EBF1: variants seen among roughly 807,000 people sequenced by gnomAD.
EBF1 encodes EBF transcription factor 1.
In EBF1, 10 loss-of-function variants were observed where a neutral mutation model predicts 68.4. The observed-to-expected ratio is 0.15, with a 90% CI of 0.09 to 0.25. The LOEUF is 0.25. Among genes scored for constraint, EBF1 ranks in the 10% least tolerant of loss-of-function variants. The pLI, the probability that EBF1 is intolerant of heterozygous loss-of-function variation, is 1.00. For synonymous variants in EBF1, 298 were observed against 299.8 expected (o/e 0.99, Z 0.06); for missense variants, 509 against 794.4 (o/e 0.64, Z 4.32).
chr5:158,822,267 C>CGGATGGAT (rs958054113), intron 8 of EBF1, among the ~76,000 whole-genome samples: 706 of 57,064 alleles, frequency 0.012, 5 homozygotes, highest in East Asian at 0.058. Context: ...GACGGATGGA[C>CGGATGGAT]GGATGGATGG....
intron 8 of EBF1, among the ~76,000 whole-genome samples, chr5:158,812,388 G>A (rs992126487): frequency 6.6e-6 from 1 of 152,068 alleles, no homozygotes; most frequent in Non-Finnish European, 1.5e-5. Flanking sequence ...TTCCTGGGTC[G>A]ACCTAGCCCC....
intron 6 of EBF1, among the ~76,000 whole-genome samples, chr5:158,861,785 A>C (rs773869522): frequency 3.3e-5 from 5 of 152,090 alleles, no homozygotes; most frequent in Non-Finnish European, 7.4e-5. Context: ...TTAAAATTCC[A>C]AGTGGCATAT....
chr5:158,906,787 T>C (rs889047054), intron 6 of EBF1, among the ~76,000 whole-genome samples: 1 of 152,246 alleles, frequency 6.6e-6, no homozygotes, highest in African/African-American at 2.4e-5. Context: ...AGCTCTTGAT[T>C]GAATTCTATC....
chr5:159,031,922 A>C (rs568988354), intron 6 of EBF1, among the ~76,000 whole-genome samples: 26 of 152,310 alleles, frequency 1.7e-4, no homozygotes, highest in African/African-American at 5.8e-4. Flanking sequence ...TTGTGGGTGC[A>C]GTTGCAAATC....
intron 14 of EBF1, among the ~76,000 whole-genome samples, chr5:158,709,944 T>TG (rs1026734108): frequency 2.0e-5 from 3 of 151,986 alleles, no homozygotes; most frequent in African/African-American, 4.8e-5. Flanking sequence ...AGTTTTGGGG[T>TG]GGGGGGCCAG....
intron 10 of EBF1, among the ~76,000 whole-genome samples, chr5:158,752,105 TAA>T (rs1339529095): frequency 1.3e-5 from 2 of 151,994 alleles, no homozygotes; most frequent in Non-Finnish European, 2.9e-5. Flanking sequence ...AGATACTCAA[TAA>T]AAGTTTACTG....
intron 6 of EBF1, among the ~76,000 whole-genome samples, chr5:159,069,324 T>TCAAA (rs368618968): frequency 0.013 from 1,938 of 151,942 alleles, 32 homozygotes; most frequent in African/African-American, 0.037. Context: ...AATTCTAAAT[T>TCAAA]CAAACAAACA....
Position 158,861,463 on chromosome 5 carries a change from A to G in EBF1, c.555-21353T>C, listed in dbSNP as rs115133705. On this transcript the variant is annotated intron_variant, in intron 6 of 15. Coordinates refer to ENST00000313708, the MANE Select transcript of EBF1 (RefSeq NM_024007.5). ...TAAATAAATGTCCACAAAGAACAAA[A>G]AAAGATCAGTAGAGAATTGAGTCTC... Among the ~76,000 whole-genome samples, 328 of 152,364 alleles carry G rather than the reference A, an allele frequency of 2.2e-3. 2 individuals are homozygous for G. The highest frequency in any genetic ancestry group is 3.4e-3 in the Non-Finnish European group (230 of 68,026).
At chr5:158,959,384 A>G in intron 6 of EBF1, among the ~76,000 whole-genome samples, 1 of 150,298 alleles carries the variant, frequency 6.7e-6, no homozygotes, top group Middle Eastern at 3.2e-3. Context: ...CTCTGTCTCC[A>G]GCGTTCAAGA....
At chr5:158,873,185 A>G (rs2128066338) in intron 6 of EBF1, among the ~76,000 whole-genome samples, 1 of 152,198 alleles carries the variant, frequency 6.6e-6, no homozygotes. Context: ...GTGAACCTTC[A>G]ATTAGAAAAG....
intron 5 of EBF1, among the ~76,000 whole-genome samples, chr5:159,074,219 C>T (rs1200929390): frequency 1.3e-5 from 2 of 152,072 alleles, no homozygotes; most frequent in Non-Finnish European, 2.9e-5. Context: ...CCTATGGGCT[C>T]GAAAAGTACC....
chr5:159,096,917 C>T (rs1490300066), intron 2 of EBF1, 57 bp downstream of exon 2: 12 of 1,589,896 alleles, frequency 7.5e-6, no homozygotes, highest in African/African-American at 5.4e-5. Flanking sequence ...CCAAGGCTCC[C>T]GGGCCTGCTC....
intron 6 of EBF1, among the ~76,000 whole-genome samples, chr5:159,051,325 C>T (rs1392732415): frequency 1.3e-5 from 2 of 151,432 alleles, no homozygotes. Flanking sequence ...TCTTTGCTCC[C>T]ACCCTGTCCC....
At chr5:159,096,621 G>A (rs1782658386) in intron 2 of EBF1, 2 of 629,848 alleles carry the variant, frequency 3.2e-6, no homozygotes, top group Admixed American at 2.7e-5. Flanking sequence ...TCCGTCGGGC[G>A]CACACAGGCT....
At chr5:159,066,300 A>C (rs1038276920) in intron 6 of EBF1, among the ~76,000 whole-genome samples, 2 of 152,142 alleles carry the variant, frequency 1.3e-5, no homozygotes, top group Non-Finnish European at 2.9e-5. Context: ...GCCATTTTGG[A>C]GGTTATTGTG....
intron 7 of EBF1, among the ~76,000 whole-genome samples, chr5:158,834,390 C>T (rs1342730434): frequency 6.6e-6 from 1 of 152,162 alleles, no homozygotes; most frequent in African/African-American, 2.4e-5. Flanking sequence ...TCTCTTTCCT[C>T]CAGCCTTCCT....
intron 6 of EBF1, among the ~76,000 whole-genome samples, chr5:158,942,864 G>A (rs1813735685): frequency 7.0e-6 from 1 of 142,026 alleles, no homozygotes; most frequent in Non-Finnish European, 1.5e-5. Context: ...AGGAGGAGGG[G>A]GAAGAAGGGA....
At chr5:158,850,787 G>C (rs985726190) in intron 6 of EBF1, among the ~76,000 whole-genome samples, 3 of 152,080 alleles carry the variant, frequency 2.0e-5, no homozygotes, top group Non-Finnish European at 4.4e-5. Context: ...CGTGTGGATT[G>C]CTTGAGGTCA....
At chr5:158,809,506 G>A (rs926534297) in intron 8 of EBF1, among the ~76,000 whole-genome samples, 1 of 152,066 alleles carries the variant, frequency 6.6e-6, no homozygotes, top group African/African-American at 2.4e-5. Context: ...ATAGAGGGTG[G>A]ATATTTATTA....
Sources: allele counts gnomAD v4.1 joint callset (sites outside exome capture counted in the v4.1 genomes callset), GRCh38; gene constraint gnomAD v4.1.1; transcripts MANE v1.5; gene names NCBI Gene and HGNC (gene_info 2026-07-23, HGNC 2026-07-21).